SRGAP2C: variants seen among roughly 807,000 people sequenced by gnomAD.
SRGAP2C encodes SLIT-ROBO Rho GTPase activating protein 2C.
Under a neutral mutation model 25.1 loss-of-function variants are expected in SRGAP2C, and 15 were observed. The observed-to-expected ratio is 0.60, with a 90% CI of 0.40 to 0.92. SRGAP2C has a LOEUF of 0.92. Among genes scored for constraint, SRGAP2C ranks in the 40% least tolerant of loss-of-function variants. SRGAP2C has a pLI of 0.00. For synonymous variants in SRGAP2C, 44 were observed against 96.6 expected (o/e 0.46, Z 3.19); for missense variants, 144 against 264.4 (o/e 0.54, Z 3.16).
At position 121,321,008 on chromosome 1, in the gene SRGAP2C, A is replaced by G. The variant is rs1196967801; in HGVS notation, c.261-3470A>G. Among the ~76,000 whole-genome samples, 9 of 152,298 alleles carry G rather than the reference A, an allele frequency of 5.9e-5. No individual in the cohort carries two copies. The East Asian group carries it at 1.2e-3, about 20-fold the overall frequency. Reference sequence around the variant, plus strand: ...TGTACAGCTTTATTGGAGGAGGCACACACAGGCGTGAATGAAAAAATAAAC... The same window carrying G: ...TGTACAGCTTTATTGGAGGAGGCACGCACAGGCGTGAATGAAAAAATAAAC... On this transcript the variant is annotated intron_variant, in intron 3 of 9. Coordinates refer to ENST00000367123, the MANE Select transcript of SRGAP2C (RefSeq NM_001329984.2).
At chr1:121,234,531 G>C (rs1401789052) in intron 2 of SRGAP2C, among the ~76,000 whole-genome samples, 2 of 144,326 alleles carry the variant, frequency 1.4e-5, no homozygotes, top group African/African-American at 5.2e-5. Context: ...GTGGTGGTTA[G>C]GGAGGGGCTG....
chr1:121,275,435 T>TCCTGCATCTTTAGTTTGTG (rs2101555077), intron 2 of SRGAP2C, among the ~76,000 whole-genome samples: 1 of 97,996 alleles, frequency 1.0e-5, no homozygotes, highest in Non-Finnish European at 2.1e-5. Flanking sequence ...GGTCTTCACA[T>TCCTGCATCTTTAGTTTGTG]CCTGCATCTT....
chr1:121,231,667 T>A (rs782356266), intron 2 of SRGAP2C, among the ~76,000 whole-genome samples: 69 of 151,384 alleles, frequency 4.6e-4, no homozygotes, highest in Non-Finnish European at 5.7e-4. Flanking sequence ...TGGTCCACTT[T>A]TCTCATTATT....
chr1:121,297,263 TG>T (rs1380778765), intron 3 of SRGAP2C, among the ~76,000 whole-genome samples: 3 of 143,900 alleles, frequency 2.1e-5, no homozygotes, highest in African/African-American at 7.7e-5. Flanking sequence ...TAAAGCAGAA[TG>T]GAAGAGACGC....
At chr1:121,375,044 T>C (rs1237544578) in intron 7 of SRGAP2C, 90 bp downstream of exon 7, 2 of 670,742 alleles carry the variant, frequency 3.0e-6, no homozygotes, top group East Asian at 5.4e-5. Flanking sequence ...TTCAGGAATC[T>C]GGTGCATTTT....
Position 121,374,899 on chromosome 1 carries a change from C to A in SRGAP2C, c.776C>A (p.Ala259Glu), listed in dbSNP as rs1659599580. The change falls in exon 7 of 10, where the codon GCA becomes GAA. Residue 259 changes from alanine (A) to glutamate (E), a missense_variant. This residue lies in a region of SRGAP2C where 34 missense variants were observed against 23.0 expected (regional missense o/e 1.48). Coordinates refer to ENST00000367123, the MANE Select transcript of SRGAP2C (RefSeq NM_001329984.2). ...AQNEYLLALE[A>E]TNASVFKYYI... ...AATGAGTACTTGCTGGCTTTGGAGGCAACCAATGCATCTGTCTTCAAGTAC... is the reference window on the plus strand; with the variant it reads ...AATGAGTACTTGCTGGCTTTGGAGGAAACCAATGCATCTGTCTTCAAGTAC... 1.3e-6 allele frequency: 1 copy of A among 779,040 alleles called. No individual in the cohort carries two copies. The allele number at this position is 779,040 out of a possible 1,614,324, so 48.3% of individuals were successfully genotyped here.
intron 3 of SRGAP2C, among the ~76,000 whole-genome samples, chr1:121,287,936 C>T (rs1657411080): frequency 6.6e-6 from 1 of 151,654 alleles, no homozygotes; most frequent in Non-Finnish European, 1.5e-5. Context: ...CAGATCTTTG[C>T]AGTGAGTGTT....
Position 121,320,868 on chromosome 1 carries a change from A to G in SRGAP2C, c.261-3610A>G, listed in dbSNP as rs1162495380. Among the ~76,000 whole-genome samples, 4 of 152,198 alleles carry G rather than the reference A, an allele frequency of 2.6e-5. No individual in the cohort carries two copies. In the East Asian group the frequency reaches 7.7e-4, roughly 29 times the overall value. On this transcript the variant is annotated intron_variant, in intron 3 of 9. Coordinates refer to ENST00000367123, the MANE Select transcript of SRGAP2C (RefSeq NM_001329984.2). ...CTGATGATGAGATGGTATGATATTA[A>G]GCATGTTGATTTTCGCTACCCAACC...
At chr1:121,313,788 G>A (rs1658020260) in intron 3 of SRGAP2C, among the ~76,000 whole-genome samples, 1 of 129,166 alleles carries the variant, frequency 7.7e-6, no homozygotes, top group Admixed American at 7.9e-5. Flanking sequence ...TTTCTGCCGA[G>A]AGATCCACTG....
intron 2 of SRGAP2C, among the ~76,000 whole-genome samples, chr1:121,204,158 A>G (rs2101401727): frequency 7.4e-6 from 1 of 135,018 alleles, no homozygotes; most frequent in African/African-American, 3.0e-5. Flanking sequence ...TCCTGTCTCC[A>G]AAAAAAAAAG....
chr1:121,198,248 T>C (rs1190300527), intron 2 of SRGAP2C, among the ~76,000 whole-genome samples: 1 of 147,760 alleles, frequency 6.8e-6, no homozygotes, highest in Non-Finnish European at 1.5e-5. Context: ...TATTTTAGGA[T>C]ATCATCCTTT....
In SRGAP2C at chr1:121,228,854, C is replaced by T. The variant is rs1655748424; in HGVS notation, c.67+41341C>T. 4.0e-5 allele frequency among the ~76,000 whole-genome samples: 6 copies of T among 150,754 alleles called. No individual in the cohort carries two copies. In the Middle Eastern group the frequency reaches 0.01, roughly 256 times the overall value. ...CCCTGAGTTTGTCATGTTATGTGGG[C>T]ATATTTGGTTGCCCAACTCTGAAGC... On this transcript the variant is annotated intron_variant, in intron 2 of 9. Coordinates refer to ENST00000367123, the MANE Select transcript of SRGAP2C (RefSeq NM_001329984.2).
At chr1:121,244,358 GTTTT>G (rs781801776) in intron 2 of SRGAP2C, among the ~76,000 whole-genome samples, 1 of 103,390 alleles carries the variant, frequency 9.7e-6, no homozygotes, top group East Asian at 2.2e-4. Context: ...TTTATCGTGG[GTTTT>G]TTTTTTTTTT....
At chr1:121,321,691 G>C (rs1374024715) in intron 3 of SRGAP2C, among the ~76,000 whole-genome samples, 1 of 150,780 alleles carries the variant, frequency 6.6e-6, no homozygotes, top group Non-Finnish European at 1.5e-5. Context: ...GCAGGCGTGA[G>C]CCACACCTTA....
intron 4 of SRGAP2C, among the ~76,000 whole-genome samples, chr1:121,336,201 G>T (rs1553342486): frequency 1.6e-4 from 25 of 151,958 alleles, no homozygotes; most frequent in Non-Finnish European, 3.4e-4. Context: ...GGGCTGAGGG[G>T]GTTCCTAGGA....
At position 121,391,147 on chromosome 1, in the gene SRGAP2C, T is replaced by C. The variant is rs1570845248; in HGVS notation, c.*3292T>C. On this transcript the variant is annotated 3_prime_UTR_variant, in exon 10 of 10. Transcript: ENST00000367123. ...GCCGAGGCGGGTGGATCACCTGAGG[T>C]CGGGAGTTTGAGACCAGCCTGATCA... 1 of 151,714 alleles carries C rather than the reference T, an allele frequency of 6.6e-6. No homozygotes were observed. Among genetic ancestry groups the C allele is most frequent in the Non-Finnish European group, 1.5e-5 (1 of 67,936 alleles). 9.4% of individuals were successfully genotyped at this position (151,714 alleles called of 1,614,324 possible).
chr1:121,297,577 T>G (rs1321259301), intron 3 of SRGAP2C, among the ~76,000 whole-genome samples: 1 of 150,688 alleles, frequency 6.6e-6, no homozygotes, highest in African/African-American at 2.4e-5. Flanking sequence ...GTTTGTGACT[T>G]AATGGATGCT....
Position 121,320,656 on chromosome 1 carries a change from GT to G in SRGAP2C, c.261-3821del, listed in dbSNP as rs1376572559. Among the ~76,000 whole-genome samples, 22 of 149,886 alleles carry G rather than the reference GT, an allele frequency of 1.5e-4. 1 individual carries two copies. In the South Asian group the frequency reaches 4.5e-3, roughly 31 times the overall value. ...TCAGCATCTGGTTTTGGTTTAGGTA[GT>G]CCAATATCAAGAAAATTCTGATTAG... On this transcript the variant is annotated intron_variant, in intron 3 of 9. Transcript: ENST00000367123.
intron 7 of SRGAP2C, among the ~76,000 whole-genome samples, chr1:121,377,123 A>C (rs2580564): frequency 3.7e-5 from 5 of 136,366 alleles, no homozygotes; most frequent in African/African-American, 5.3e-5. Context: ...AAAAAAAAAA[A>C]CGTCTGCTAA....
Sources: gnomAD v4.1 joint callset for allele counts (sites outside exome capture counted in the v4.1 genomes callset) on GRCh38, gnomAD v4.1.1 for gene constraint, gnomAD v4.1.1 regional missense constraint, MANE v1.5 for transcripts, NCBI Gene and HGNC (gene_info 2026-07-23, HGNC 2026-07-21) for gene names.